Variants in CNTNAP2 observed in about 807,000 individuals in gnomAD.
CNTNAP2 encodes the protein contactin-associated protein-like 2.
A neutral mutation model predicts 155.2 loss-of-function variants in CNTNAP2; 98 were observed. The observed-to-expected ratio is 0.63, with a 90% CI of 0.54 to 0.75. The LOEUF (loss-of-function observed/expected upper bound fraction) is 0.75, where lower values mean the gene tolerates loss of function less well. Among genes scored for constraint, CNTNAP2 ranks in the 30% least tolerant of loss-of-function variants. The pLI is 0.00. For missense variants in CNTNAP2, 1,727 were observed against 1,688.1 expected, an observed-to-expected ratio of 1.02 and a Z score of -0.40; for synonymous variants, 651 against 631.2, an observed-to-expected ratio of 1.03 and a Z score of -0.47.
At chr7:146,371,365 G>GTTTTTTTTTTTTTT (rs58066282) in intron 1 of CNTNAP2, among the ~76,000 whole-genome samples, 1 of 98,538 alleles carries the variant, frequency 1.0e-5, no homozygotes, top group African/African-American at 4.5e-5. Flanking sequence ...GCCAGTATTA[G>GTTTTTTTTTTTTTT]TTTTTTTTTT....
chr7:146,599,769 G>GATAGATAC (rs1798920884), intron 1 of CNTNAP2, among the ~76,000 whole-genome samples: 1 of 151,812 alleles, frequency 6.6e-6, no homozygotes, highest in East Asian at 1.9e-4. Flanking sequence ...TAGATAGATA[G>GATAGATAC]ATAGATAGAT....
intron 13 of CNTNAP2, among the ~76,000 whole-genome samples, chr7:147,698,721 C>T (rs1796195080): frequency 6.6e-6 from 1 of 152,104 alleles, no homozygotes; most frequent in Non-Finnish European, 1.5e-5. Context: ...CCACCACACT[C>T]AGCTAATTTT....
chr7:147,714,454 T>C (rs1796451648), intron 13 of CNTNAP2, among the ~76,000 whole-genome samples: 1 of 151,268 alleles, frequency 6.6e-6, no homozygotes, highest in Non-Finnish European at 1.5e-5. Flanking sequence ...TTTGTTTCAG[T>C]TTTTGTTCAA....
intron 12 of CNTNAP2, among the ~76,000 whole-genome samples, chr7:147,572,986 G>T (rs1011983915): frequency 6.6e-6 from 1 of 152,228 alleles, no homozygotes; most frequent in South Asian, 2.1e-4. Context: ...TCATATAGCA[G>T]CTAATCTCTC....
chr7:146,380,784 CTTTTTTTTTTTTT>C (rs56886106), intron 1 of CNTNAP2, among the ~76,000 whole-genome samples: 22 of 38,828 alleles, frequency 5.7e-4, no homozygotes, highest in South Asian at 3.3e-3. Context: ...TATGCACGTT[CTTTTTTTTTTTTT>C]TTTTTTTTTT....
At chr7:146,233,798 T>C (rs896640004) in intron 1 of CNTNAP2, among the ~76,000 whole-genome samples, 8 of 151,914 alleles carry the variant, frequency 5.3e-5, no homozygotes. Flanking sequence ...CAGGAACTCA[T>C]CATTTTTTAT....
intron 11 of CNTNAP2, among the ~76,000 whole-genome samples, chr7:147,504,720 G>C (rs1987754): frequency 0.13 from 19,781 of 148,160 alleles, 1,527 homozygotes; most frequent in East Asian, 0.29. Flanking sequence ...CTCTGAGAAA[G>C]ACCATATTTA....
rs374027923 is a variant in CNTNAP2 at position 147,703,397 on chromosome 7, T to C, written c.2098+64091T>C. On this transcript the variant is annotated intron_variant, in intron 13 of 23. Transcript: ENST00000361727. ...TTTTATTTCTTCTTCAAGCATTTAATAGCCAACTATAGGGCCCTGGGCATT... is the reference window on the plus strand; with the variant it reads ...TTTTATTTCTTCTTCAAGCATTTAACAGCCAACTATAGGGCCCTGGGCATT... Among the ~76,000 whole-genome samples the C allele has an allele frequency of 9.8e-5, 15 of 152,330 alleles. 1 individual carries two copies. The highest frequency in any genetic ancestry group is 7.7e-4 in the East Asian group (4 of 5,192).
chr7:147,401,241 A>G (rs1292648376), intron 10 of CNTNAP2, among the ~76,000 whole-genome samples: 3 of 152,210 alleles, frequency 2.0e-5, no homozygotes, highest in African/African-American at 7.2e-5. Context: ...AACATCCCAG[A>G]TAACACAGAG....
chr7:146,735,537 A>G (rs986823009), intron 1 of CNTNAP2, among the ~76,000 whole-genome samples: 2 of 152,160 alleles, frequency 1.3e-5, no homozygotes. Flanking sequence ...CCTGGGCAAC[A>G]GAGCAAGACT....
chr7:146,950,553 C>A (rs1797288839), intron 3 of CNTNAP2, among the ~76,000 whole-genome samples: 1 of 152,062 alleles, frequency 6.6e-6, no homozygotes, highest in African/African-American at 2.4e-5. Context: ...TGTTTGTTTT[C>A]TGTTCTTGTG....
At position 146,451,158 on chromosome 7, in the gene CNTNAP2, T is replaced by G. The variant is rs117872052; in HGVS notation, c.98-323113T>G. On this transcript the variant is annotated intron_variant, in intron 1 of 23. Transcript: ENST00000361727. ...AGACGGGGTTTCACCGTGTTAGCCA[T>G]GACGGTCTGGATCCCCTGACCTCGT... Among the ~76,000 whole-genome samples the G allele has an allele frequency of 9.3e-3, 1,409 of 152,170 alleles. 16 individuals are homozygous for G. The highest frequency in any genetic ancestry group is 0.036 in the East Asian group (183 of 5,144).
intron 7 of CNTNAP2, among the ~76,000 whole-genome samples, chr7:147,131,896 T>G (rs1235884097): frequency 1.3e-5 from 2 of 151,548 alleles, no homozygotes; most frequent in Non-Finnish European, 2.9e-5. Context: ...AGCAGTAGCT[T>G]TGCTGTCTTC....
chr7:148,396,762 C>T (rs899087717), intron 22 of CNTNAP2, among the ~76,000 whole-genome samples: 2 of 152,174 alleles, frequency 1.3e-5, no homozygotes, highest in Non-Finnish European at 2.9e-5. Context: ...ATTCTAAAGA[C>T]GGATGCAGAT....
intron 10 of CNTNAP2, among the ~76,000 whole-genome samples, chr7:147,422,233 GTGTA>G (rs1665200558): frequency 1.4e-5 from 2 of 147,674 alleles, no homozygotes. Flanking sequence ...TATATATAGT[GTGTA>G]TATAGTATAC....
At chr7:147,635,431 C>CA (rs1795162216) in intron 12 of CNTNAP2, among the ~76,000 whole-genome samples, 1 of 152,018 alleles carries the variant, frequency 6.6e-6, no homozygotes, top group Non-Finnish European at 1.5e-5. Flanking sequence ...GCCCAAGCTC[C>CA]AAAAATGTAT....
chr7:147,812,571 T>C (rs563217616), intron 13 of CNTNAP2, among the ~76,000 whole-genome samples: 1 of 151,094 alleles, frequency 6.6e-6, no homozygotes, highest in East Asian at 2.0e-4. Context: ...CCACTCATTC[T>C]ACTTTCAGCT....
chr7:146,758,806 C>T lies in CNTNAP2; in HGVS notation c.98-15465C>T, dbSNP rs550552680. ...TGGGGACACAGCGAAATCATATCAC[C>T]GCCTACACCTGACTTCCTTTCTGAT... On this transcript the variant is annotated intron_variant, in intron 1 of 23. Coordinates refer to ENST00000361727, the MANE Select transcript of CNTNAP2 (RefSeq NM_014141.6). Among the ~76,000 whole-genome samples the T allele has an allele frequency of 2.6e-4, 39 of 152,198 alleles. 1 individual carries two copies. The highest frequency in any genetic ancestry group is 7.5e-4 in the African/African-American group (31 of 41,526).
intron 1 of CNTNAP2, among the ~76,000 whole-genome samples, chr7:146,727,587 T>G (rs1210732015): frequency 6.6e-6 from 1 of 152,156 alleles, no homozygotes; most frequent in Non-Finnish European, 1.5e-5. Flanking sequence ...GTGATTCACG[T>G]ACATGTTTCC....
Sources: allele counts gnomAD v4.1 joint callset (sites outside exome capture counted in the v4.1 genomes callset), GRCh38; gene constraint gnomAD v4.1.1; transcripts MANE v1.5; gene names NCBI Gene and HGNC (gene_info 2026-07-23, HGNC 2026-07-21).